The following PTPN14 variants were observed in gnomAD, a reference collection of about 807,000 sequenced individuals.
PTPN14 encodes protein tyrosine phosphatase non-receptor type 14.
PTPN14 carries 53 observed loss-of-function variants against 126.8 expected under a neutral mutation model. That is an observed-to-expected ratio of 0.42 (90% confidence interval 0.34 to 0.53). The LOEUF is 0.53. PTPN14 is among the 20% of genes least tolerant of loss of function. The pLI is 0.08. For missense variants in PTPN14, 1,257 were observed against 1,552.9 expected, an observed-to-expected ratio of 0.81 and a Z score of 3.20; for synonymous variants, 630 against 599.3, an observed-to-expected ratio of 1.05 and a Z score of -0.75.
At chr1:214,402,228 A>T (rs1025579999) in intron 6 of PTPN14, among the ~76,000 whole-genome samples, 2 of 152,066 alleles carry the variant, frequency 1.3e-5, no homozygotes, top group Non-Finnish European at 2.9e-5. Flanking sequence ...ACTTGAGGTC[A>T]GGCATTTGAG....
At chr1:214,385,120 C>G (rs901331055) in intron 12 of PTPN14, among the ~76,000 whole-genome samples, 9 of 152,162 alleles carry the variant, frequency 5.9e-5, no homozygotes, top group African/African-American at 2.2e-4. Flanking sequence ...GTTGGGGAGG[C>G]CTGTCCTCTT....
At chr1:214,533,337 T>C in intron 1 of PTPN14, 1 of 515,722 alleles carries the variant, frequency 1.9e-6, no homozygotes, top group East Asian at 4.7e-5. Flanking sequence ...TGGAAGACGG[T>C]GAGGACTTCA....
intron 11 of PTPN14, among the ~76,000 whole-genome samples, chr1:214,388,066 C>G (rs902775313): frequency 6.6e-6 from 1 of 152,230 alleles, no homozygotes; most frequent in East Asian, 1.9e-4. Context: ...TGAATAACTT[C>G]ATGCTGCGGA....
At chr1:214,412,339 C>G (rs1659327537) in intron 4 of PTPN14, among the ~76,000 whole-genome samples, 3 of 152,140 alleles carry the variant, frequency 2.0e-5, no homozygotes, top group Non-Finnish European at 4.4e-5. Context: ...CTTGCTTGCT[C>G]TCCTAAAAAC....
At chr1:214,489,131 A>G (rs1332255672) in intron 1 of PTPN14, among the ~76,000 whole-genome samples, 1 of 152,222 alleles carries the variant, frequency 6.6e-6, no homozygotes, top group African/African-American at 2.4e-5. Context: ...TAGTAACCGC[A>G]GCTTCAAAGG....
At chr1:214,461,374 T>C (rs997191461) in intron 2 of PTPN14, among the ~76,000 whole-genome samples, 8 of 152,184 alleles carry the variant, frequency 5.3e-5, no homozygotes, top group African/African-American at 1.9e-4. Context: ...GTCTCACATC[T>C]ATAATCCCAG....
At chr1:214,411,012 T>C (rs776704069) in intron 5 of PTPN14, among the ~76,000 whole-genome samples, 20 of 152,202 alleles carry the variant, frequency 1.3e-4, no homozygotes, top group Non-Finnish European at 2.5e-4. Flanking sequence ...TTGATAGGGA[T>C]TGCATTAATT....
chr1:214,460,431 GCAAA>G (rs1398762366), intron 2 of PTPN14, among the ~76,000 whole-genome samples: 6 of 148,132 alleles, frequency 4.1e-5, no homozygotes, highest in Non-Finnish European at 7.5e-5. Context: ...ACACATCAGT[GCAAA>G]CAAACTGAAC....
intron 13 of PTPN14, among the ~76,000 whole-genome samples, chr1:214,382,015 C>T (rs373634367): frequency 1.3e-5 from 2 of 151,990 alleles, no homozygotes; most frequent in African/African-American, 4.8e-5. Context: ...AGTGATTCTC[C>T]TGCCTCCCTC....
At chr1:214,464,599 G>A (rs756580416) in intron 2 of PTPN14, 31 bp downstream of exon 2, 27 of 1,604,902 alleles carry the variant, frequency 1.7e-5, no homozygotes, top group Admixed American at 8.4e-5. Context: ...GCATGCACGC[G>A]CACATGCGCA....
At chr1:214,507,182 G>T (rs1475078592) in intron 1 of PTPN14, among the ~76,000 whole-genome samples, 1 of 152,126 alleles carries the variant, frequency 6.6e-6, no homozygotes, top group African/African-American at 2.4e-5. Flanking sequence ...CTTAGTCAAA[G>T]GTAAGGAATG....
chr1:214,383,521 G>C lies in PTPN14; in HGVS notation c.2334C>G (p.Ala778=), dbSNP rs367734821. The C allele has an allele frequency of 4.3e-6, 7 of 1,613,942 alleles. 1 individual carries two copies. The highest frequency in any genetic ancestry group is 4.0e-5 in the African/African-American group (3 of 74,944). The stretch of plus-strand genomic sequence containing the variant: ...TGGCTGGCCCATGCCTCAGCACCCT[G>C]GCTCTGGCCATGGCGGGAGGAAGGC... The part of the protein sequence containing the change: ...QASLPPAMAR[A]RVLRHGPAKA... The change falls in exon 13 of 19, where the codon GCC becomes GCG. Residue 778 remains alanine, a synonymous_variant. Coordinates refer to ENST00000366956, the MANE Select transcript of PTPN14 (RefSeq NM_005401.5). The surrounding 1 kb of genome is among the most constrained non-coding windows in gnomAD (Gnocchi z 4.4).
chr1:214,460,712 A>T (rs4655252), intron 2 of PTPN14, among the ~76,000 whole-genome samples: 15 of 152,126 alleles, frequency 9.9e-5, no homozygotes, highest in Non-Finnish European at 1.3e-4. Context: ...CAGCACAAGC[A>T]GTTCCCCTTG....
In PTPN14 at chr1:214,350,054, A is replaced by G. The variant is rs1657672795; in HGVS notation, c.*7868T>C. The G allele has an allele frequency of 6.6e-6, 1 of 152,218 alleles. No individual in the cohort carries two copies. Among genetic ancestry groups the G allele is most frequent in the Non-Finnish European group, 1.5e-5 (1 of 68,040 alleles). The allele number at this position is 152,218 out of a possible 1,614,324, so 9.4% of individuals were successfully genotyped here. Reference sequence around the variant, plus strand: ...TCCAATCTTTTCAGCTTTATCCTCTAAAACCTTTTGTCAGATGAGATAGCA... The same window carrying G: ...TCCAATCTTTTCAGCTTTATCCTCTGAAACCTTTTGTCAGATGAGATAGCA... On this transcript the variant is annotated 3_prime_UTR_variant, in exon 19 of 19. Coordinates refer to ENST00000366956, the MANE Select transcript of PTPN14 (RefSeq NM_005401.5).
chr1:214,427,412 A>G (rs1659693336), intron 3 of PTPN14, among the ~76,000 whole-genome samples: 1 of 152,192 alleles, frequency 6.6e-6, no homozygotes, highest in African/African-American at 2.4e-5. Context: ...CTATTAAATT[A>G]GTATAATGAT....
chr1:214,404,681 G>A (rs906374422), intron 5 of PTPN14, among the ~76,000 whole-genome samples: 21 of 152,300 alleles, frequency 1.4e-4, no homozygotes, highest in Admixed American at 1.4e-3. Flanking sequence ...TGCCCTGCCA[G>A]GGAGAGTGCG....
chr1:214,436,725 T>C (rs1332133186), intron 3 of PTPN14, among the ~76,000 whole-genome samples: 1 of 147,360 alleles, frequency 6.8e-6, no homozygotes, highest in Admixed American at 6.9e-5. Flanking sequence ...AGGCGGAGGT[T>C]GCAGTGAGCC....
At position 214,414,674 on chromosome 1, in the gene PTPN14, A is replaced by G. The variant is rs1242835470; in HGVS notation, c.397T>C (p.Cys133Arg). The G allele has an allele frequency of 1.8e-5, 29 of 1,614,010 alleles. No individual in the cohort carries two copies. The highest frequency in any genetic ancestry group is 2.3e-5 in the Non-Finnish European group (27 of 1,179,970). ...KKDVLEGRLR[C>R]TLDQVIRLAG... Reference sequence around the variant, plus strand: ...AGCCGAATCACCTGGTCCAATGTACATCGTAATCGCCCTTCAAGCACATCT... The same window carrying G: ...AGCCGAATCACCTGGTCCAATGTACGTCGTAATCGCCCTTCAAGCACATCT... The change falls in exon 4 of 19, where the codon TGT becomes CGT. Residue 133 changes from cysteine (C) to arginine (R), a missense_variant. Cys to Arg is a radical substitution (Grantham distance 180). Around this residue, in one of 3 missense-constraint regions of PTPN14, gnomAD observed 1,021 missense variants for 1,183.3 expected, o/e 0.86. Transcript: ENST00000366956.
intron 1 of PTPN14, among the ~76,000 whole-genome samples, chr1:214,492,464 G>T (rs1363615401): frequency 1.3e-5 from 2 of 152,188 alleles, no homozygotes; most frequent in Non-Finnish European, 2.9e-5. Flanking sequence ...TCATTTAAAT[G>T]CCTTTATAAA....
Sources: allele counts gnomAD v4.1 joint callset (sites outside exome capture counted in the v4.1 genomes callset), GRCh38; gene constraint gnomAD v4.1.1; regional missense constraint gnomAD v4.1.1; non-coding constraint Gnocchi (gnomAD v3.1); transcripts MANE v1.5; gene names NCBI Gene and HGNC (gene_info 2026-07-23, HGNC 2026-07-21).